TCF25: variants seen among roughly 807,000 people sequenced by gnomAD.
The protein encoded by TCF25 is TCF25 ribosome quality control complex subunit.
TCF25 carries 41 observed loss-of-function variants against 83.1 expected under a neutral mutation model. That is an observed-to-expected ratio of 0.49 (90% CI 0.38 to 0.64). The LOEUF (loss-of-function observed/expected upper bound fraction) is 0.64. Ranked by LOEUF, TCF25 falls within the 30% of genes least tolerant of loss-of-function variation. TCF25 has a pLI of 0.00. For missense variants in TCF25, 979 were observed against 914.5 expected (o/e 1.07, Z -0.91); for synonymous variants, 458 against 365.0 (o/e 1.25, Z -2.90).
At position 89,873,802 on chromosome 16, in the gene TCF25, C is replaced by G. The variant is rs960296287; in HGVS notation, c.135C>G (p.Val45=). Residue 45 remains valine, a synonymous_variant, in exon 1 of 18, where the codon GTC becomes GTG. Coordinates refer to ENST00000263346, the MANE Select transcript of TCF25 (RefSeq NM_014972.3). The stretch of plus-strand genomic sequence containing the variant: ...AAGGGCCCAAGCGGGAGCTTGGTGT[C>G]CGGCGTCCCGGGGGCGCAGGGAAGG... The part of the protein sequence containing the change: ...EEEGPKRELG[V]RRPGGAGKEG... The G allele has an allele frequency of 6.3e-7, 1 of 1,599,924 alleles. No homozygotes were observed. The highest frequency in any genetic ancestry group is 1.1e-5 in the South Asian group (1 of 89,392).
chr16:89,875,584 A>G (rs1258970420), intron 1 of TCF25, among the ~76,000 whole-genome samples: 1 of 125,872 alleles, frequency 7.9e-6, no homozygotes, highest in Non-Finnish European at 1.5e-5. Context: ...GTGCAGTGGC[A>G]TGATCTCGGC....
chr16:89,908,688 A>T (rs201607435), intron 16 of TCF25, among the ~76,000 whole-genome samples: 8 of 4,674 alleles, frequency 1.7e-3, no homozygotes, highest in South Asian at 8.5e-3. Context: ...CCCAGCTCCC[A>T]CCTCCCGCCT....
At chr16:89,898,930 T>G (rs565407138) in intron 11 of TCF25, 58 bp downstream of exon 11, 1 of 1,551,622 alleles carries the variant, frequency 6.4e-7, no homozygotes, top group Admixed American at 1.7e-5. Context: ...CTCCTTCTGT[T>G]TTCTTGGTTC....
intron 1 of TCF25, among the ~76,000 whole-genome samples, chr16:89,880,916 C>T (rs902488988): frequency 6.6e-6 from 1 of 152,218 alleles, no homozygotes; most frequent in African/African-American, 2.4e-5. Flanking sequence ...GCCCCAGCTT[C>T]GCCAGCAAAG....
intron 1 of TCF25, among the ~76,000 whole-genome samples, chr16:89,876,952 A>AAT (rs2042239994): frequency 6.8e-6 from 1 of 146,258 alleles, no homozygotes; most frequent in African/African-American, 2.5e-5. Context: ...AAAAAAAAAA[A>AAT]TTGGCCAGGC....
In TCF25 at chr16:89,895,099, G is replaced by A. The variant is rs200578455; in HGVS notation, c.890G>A (p.Arg297His). ...CTCCTGCAGCTCAGCGATGCCTGCCGCTTTCAAGAGGATCAGGAGATGGCT... is the reference window on the plus strand; with the variant it reads ...CTCCTGCAGCTCAGCGATGCCTGCCACTTTCAAGAGGATCAGGAGATGGCT... The part of the protein sequence containing the change: ...DSLLQLSDAC[R>H]FQEDQEMARD... Residue 297 changes from arginine (R) to histidine (H), a missense_variant, in exon 8 of 18, where the codon CGC becomes CAC. Physicochemically the swap from Arg to His is conservative, Grantham distance 29. Transcript: ENST00000263346. The A allele has an allele frequency of 1.9e-6, 3 of 1,613,052 alleles. No individual in the cohort carries two copies. Among genetic ancestry groups the A allele is most frequent in the African/African-American group, 1.3e-5 (1 of 74,904 alleles).
intron 12 of TCF25, chr16:89,901,019 G>A (rs1009501772): frequency 8.6e-6 from 4 of 464,836 alleles, no homozygotes; most frequent in East Asian, 3.2e-5. Context: ...CAGGCATCCC[G>A]ACCCCCGTGG....
At position 89,909,223 on chromosome 16, in the gene TCF25, C is replaced by T. The variant is rs1567747947; in HGVS notation, c.1800-1368C>T. ...CCCCGTCTCAACTAAAAATACAAAACTTAGCCAGCTGGGTGCAGTGACTCA... is the reference window on the plus strand; with the variant it reads ...CCCCGTCTCAACTAAAAATACAAAATTTAGCCAGCTGGGTGCAGTGACTCA... On this transcript the variant is annotated intron_variant, in intron 16 of 17. Coordinates refer to ENST00000263346, the MANE Select transcript of TCF25 (RefSeq NM_014972.3). 6 of 1,150,550 alleles carry T rather than the reference C, an allele frequency of 5.2e-6. No homozygotes were observed. The South Asian group carries it at 5.7e-5, about 11-fold the overall frequency. 71.3% of individuals were successfully genotyped at this position (1,150,550 alleles called of 1,614,324 possible). A position where few individuals can be genotyped will look rare whatever the true frequency, so the allele number is the denominator to read the frequency against.
At chr16:89,900,569 C>G (rs2044239959) in intron 11 of TCF25, 66 bp from the exon 12 acceptor site, 1 of 1,499,338 alleles carries the variant, frequency 6.7e-7, no homozygotes, top group Non-Finnish European at 9.0e-7. Context: ...GTCAGAGCGT[C>G]TGCAAACTCA....
rs778238053 is a variant in TCF25 at position 89,885,911 on chromosome 16, C to T, written c.493C>T (p.Arg165Cys). 6 of 1,610,486 alleles carry T rather than the reference C, an allele frequency of 3.7e-6. No homozygotes were observed. The highest frequency in any genetic ancestry group is 3.3e-5 in the Admixed American group (2 of 59,806). ...GATTGAGGACAGCACTGGGTTGAAC[C>T]GTCCCGGCCCAGCTCCCCTGAGCTC... Reference protein sequence around the residue: ...ERIEDSTGLNRPGPAPLSSRK... With the variant: ...ERIEDSTGLNCPGPAPLSSRK... The change falls in exon 4 of 18, where the codon CGT (arginine) becomes TGT (cysteine). Residue 165 changes from arginine (R) to cysteine (C), a missense_variant. Physicochemically the swap from Arg to Cys is radical, Grantham distance 180. Transcript: ENST00000263346.
Position 89,909,096 on chromosome 16 carries a change from C to T in TCF25, c.1800-1495C>T, listed in dbSNP as rs910480881. 7 of 1,289,322 alleles carry T rather than the reference C, an allele frequency of 5.4e-6. No individual in the cohort carries two copies. In the African/African-American group the frequency reaches 7.6e-5, roughly 14 times the overall value. The allele number at this position is 1,289,322 out of a possible 1,614,324, so 79.9% of individuals were successfully genotyped here. A position where few individuals can be genotyped will look rare whatever the true frequency, so the allele number is the denominator to read the frequency against. Reference sequence around the variant, plus strand: ...GCCTCTGTGGCAGGTGCGAGTGACACAGTGGAAGCAGGTGTGCAGTGAAGT... The same window carrying T: ...GCCTCTGTGGCAGGTGCGAGTGACATAGTGGAAGCAGGTGTGCAGTGAAGT... On this transcript the variant is annotated intron_variant, in intron 16 of 17. Coordinates refer to ENST00000263346, the MANE Select transcript of TCF25 (RefSeq NM_014972.3).
intron 16 of TCF25, chr16:89,909,125 G>A (rs969622002): frequency 3.1e-6 from 4 of 1,286,422 alleles, no homozygotes; most frequent in African/African-American, 1.5e-5. Context: ...GTGAAGTGGG[G>A]AAAACATATT....
intron 1 of TCF25, among the ~76,000 whole-genome samples, chr16:89,882,887 A>G (rs960395003): frequency 1.3e-5 from 2 of 152,230 alleles, no homozygotes; most frequent in East Asian, 1.9e-4. Context: ...CGCCTGGCCT[A>G]TCATTTTCAT....
Position 89,900,282 on chromosome 16 carries a change from G to A in TCF25, c.1222-353G>A, listed in dbSNP as rs984094428. On this transcript the variant is annotated intron_variant, in intron 11 of 17. Transcript: ENST00000263346. ...GGCAGTGGGCTGCTCTCACAGACTCGCGCGGGGGTGGGCTGCTCTCGTCTG... is the reference window on the plus strand; with the variant it reads ...GGCAGTGGGCTGCTCTCACAGACTCACGCGGGGGTGGGCTGCTCTCGTCTG... Among the ~76,000 whole-genome samples, 2 of 152,002 alleles carry A rather than the reference G, an allele frequency of 1.3e-5. 1 individual carries two copies. Among genetic ancestry groups the A allele is most frequent in the Non-Finnish European group, 2.9e-5 (2 of 67,986 alleles).
intron 6 of TCF25, 53 bp from the exon 7 acceptor site, chr16:89,893,675 C>A (rs949660183): frequency 1.1e-5 from 18 of 1,611,438 alleles, no homozygotes; most frequent in Non-Finnish European, 1.5e-5. Context: ...GTGCTCGGAG[C>A]TGCCCACGTC....
At chr16:89,877,396 G>T (rs1036302429) in intron 1 of TCF25, among the ~76,000 whole-genome samples, 2 of 152,260 alleles carry the variant, frequency 1.3e-5, no homozygotes, top group Admixed American at 1.3e-4. Context: ...TTGAAAGCCA[G>T]TGTGCTGGGA....
intron 14 of TCF25, among the ~76,000 whole-genome samples, chr16:89,905,911 C>A (rs11866200): frequency 6.6e-6 from 1 of 152,316 alleles, no homozygotes; most frequent in African/African-American, 2.4e-5. Flanking sequence ...CAGTGACTTC[C>A]CACAAGAAGC....
Position 89,898,914 on chromosome 16 carries a change from C to T in TCF25, c.1221+42C>T, listed in dbSNP as rs761774886. On this transcript the variant is annotated intron_variant, in intron 11 of 17. Transcript: ENST00000263346. ...TGAGGCCCCGTGGAGGGACGGACACCTGCTTCTCCTTCTGTTTTCTTGGTT... is the reference window on the plus strand; with the variant it reads ...TGAGGCCCCGTGGAGGGACGGACACTTGCTTCTCCTTCTGTTTTCTTGGTT... The T allele has an allele frequency of 1.9e-6, 3 of 1,571,610 alleles. No individual in the cohort carries two copies. In the Admixed American group the frequency reaches 5.0e-5, roughly 26 times the overall value.
intron 5 of TCF25, chr16:89,889,134 T>C: frequency 6.4e-6 from 2 of 312,918 alleles, no homozygotes; most frequent in Non-Finnish European, 1.2e-5. Flanking sequence ...GGACTTTATG[T>C]AGGAGGTATA....
Sources: gnomAD v4.1 joint callset for allele counts (sites outside exome capture counted in the v4.1 genomes callset) on GRCh38, gnomAD v4.1.1 for gene constraint, MANE v1.5 for transcripts, NCBI Gene and HGNC (gene_info 2026-07-23, HGNC 2026-07-21) for gene names.